The following PPFIA2 variants were observed in gnomAD, a reference collection of about 807,000 sequenced individuals.
PPFIA2 encodes the protein PPFI scaffold protein A2, also known as liprin-alpha-2.
A neutral mutation model predicts 175.5 loss-of-function variants in PPFIA2; 46 were observed. That is an observed-to-expected ratio of 0.26 (90% CI 0.21 to 0.34). The LOEUF (loss-of-function observed/expected upper bound fraction) is 0.34, where lower values mean the gene tolerates loss of function less well. PPFIA2 is among the 10% of genes least tolerant of loss of function. The pLI is 1.00. For synonymous variants in PPFIA2, 568 were observed against 511.4 expected, an observed-to-expected ratio of 1.11 and a Z score of -1.49; for missense variants, 1,179 against 1,506.1, an observed-to-expected ratio of 0.78 and a Z score of 3.60.
At chr12:81,433,887 C>T (rs1354108241) in intron 7 of PPFIA2, among the ~76,000 whole-genome samples, 1 of 152,090 alleles carries the variant, frequency 6.6e-6, no homozygotes, top group African/African-American at 2.4e-5. Flanking sequence ...GTAATACAGG[C>T]TGAAGTAATG....
At chr12:81,479,731 T>C (rs921479606) in intron 4 of PPFIA2, among the ~76,000 whole-genome samples, 2 of 152,226 alleles carry the variant, frequency 1.3e-5, no homozygotes, top group African/African-American at 4.8e-5. Flanking sequence ...TTCTTTTCTT[T>C]AAGAATGTTG....
chr12:81,384,058 C>T lies in PPFIA2; in HGVS notation c.949G>A (p.Glu317Lys). ...TARKDLIKTE[E>K]MNTKYQRDIR... ...TCCCTTTGATACTTGGTGTTCATTT[C>T]TTCTGTTTTAATGAGATCCTTTCTT... The change falls in exon 9 of 33, where the codon GAA (glutamate) becomes AAA (lysine). Residue 317 changes from glutamate to lysine, a missense_variant. By Grantham distance (56) the Glu-to-Lys change is moderately conservative. Around this residue, in one of 10 missense-constraint regions of PPFIA2, gnomAD observed 226 missense variants for 216.6 expected, o/e 1.04. Transcript: ENST00000549396. 6.2e-7 allele frequency: 1 copy of T among 1,612,820 alleles called. No individual in the cohort carries two copies. The highest frequency in any genetic ancestry group is 8.5e-7 in the Non-Finnish European group (1 of 1,179,244).
chr12:81,298,012 C>T (rs2046913895), intron 23 of PPFIA2: 1 of 152,168 alleles, frequency 6.6e-6, no homozygotes, highest in South Asian at 2.1e-4. Flanking sequence ...TCTGTCATCT[C>T]CTATCACCTT....
At chr12:81,380,475 A>G (rs1232096428) in intron 9 of PPFIA2, among the ~76,000 whole-genome samples, 1 of 152,166 alleles carries the variant, frequency 6.6e-6, no homozygotes, top group African/African-American at 2.4e-5. Flanking sequence ...AGGAAAATAA[A>G]AGCTTTAAGT....
chr12:81,524,173 G>C (rs901803250), intron 4 of PPFIA2, among the ~76,000 whole-genome samples: 2 of 152,190 alleles, frequency 1.3e-5, no homozygotes, highest in Non-Finnish European at 2.9e-5. Flanking sequence ...AGTCCCCACT[G>C]AGTCAATGCC....
intron 4 of PPFIA2, among the ~76,000 whole-genome samples, chr12:81,521,693 G>C (rs1160785563): frequency 6.6e-6 from 1 of 150,770 alleles, no homozygotes; most frequent in Non-Finnish European, 1.5e-5. Context: ...GGTGGCGGGC[G>C]CCTGTAGTCC....
chr12:81,576,992 A>G (rs1595161206), intron 4 of PPFIA2, among the ~76,000 whole-genome samples: 1 of 151,844 alleles, frequency 6.6e-6, no homozygotes, highest in East Asian at 1.9e-4. Context: ...TAATATTTCA[A>G]GTATAAATTA....
At chr12:81,442,389 G>A (rs2050338119) in intron 6 of PPFIA2, among the ~76,000 whole-genome samples, 1 of 151,964 alleles carries the variant, frequency 6.6e-6, no homozygotes, top group Non-Finnish European at 1.5e-5. Context: ...AAATATTCTT[G>A]TGGAAATCTC....
intron 22 of PPFIA2, among the ~76,000 whole-genome samples, chr12:81,311,499 C>CGAGGCGGGTGGATCAT (rs2050786648): frequency 6.6e-6 from 1 of 151,792 alleles, no homozygotes; most frequent in Non-Finnish European, 1.5e-5. Flanking sequence ...TTTGGGAGGC[C>CGAGGCGGGTGGATCAT]GAGGCGGGTG....
rs1467136387 is a variant in PPFIA2 at position 81,357,744 on chromosome 12, C to T, written c.1773+338G>A. Among the ~76,000 whole-genome samples the T allele has an allele frequency of 5.9e-5, 9 of 152,216 alleles. No individual in the cohort carries two copies. The South Asian group carries it at 1.9e-3, about 32-fold the overall frequency. ...ACTACTAATAGTACTGGAAACTACA[C>T]AAACATAGGCCCAAGTTTTGACTCC... On this transcript the variant is annotated intron_variant, in intron 16 of 32. Coordinates refer to ENST00000549396, the MANE Select transcript of PPFIA2 (RefSeq NM_003625.5).
chr12:81,539,377 G>T (rs2065878460), intron 4 of PPFIA2, among the ~76,000 whole-genome samples: 1 of 151,906 alleles, frequency 6.6e-6, no homozygotes, highest in South Asian at 2.1e-4. Flanking sequence ...AAATAACCAA[G>T]GTCTGCATTT....
At chr12:81,480,107 TTTTC>T (rs1357382453) in intron 4 of PPFIA2, among the ~76,000 whole-genome samples, 1 of 152,184 alleles carries the variant, frequency 6.6e-6, no homozygotes, top group Admixed American at 6.6e-5. Context: ...TGTTTGTTGC[TTTTC>T]TTTCTTTTTT....
intron 28 of PPFIA2, among the ~76,000 whole-genome samples, chr12:81,272,045 C>A (rs559904259): frequency 6.6e-6 from 1 of 152,046 alleles, no homozygotes; most frequent in African/African-American, 2.4e-5. Context: ...GTAATAATTC[C>A]ATTTTCCTCT....
In PPFIA2 at chr12:81,358,141, T is replaced by C; in HGVS notation, c.1714A>G (p.Thr572Ala). The stretch of plus-strand genomic sequence containing the variant: ...CTCCTTGGTCTTCTTATTACTTTAG[T>C]TGTTCTGTAATCAGACTGGCTGTCC... ...LVDSQSDYRT[T>A]KVIRRPRRGR... Residue 572 changes from threonine to alanine, a missense_variant, in exon 16 of 33, where the codon ACT (threonine) becomes GCT (alanine). Thr to Ala is a moderately conservative substitution (Grantham distance 58). Coordinates refer to ENST00000549396, the MANE Select transcript of PPFIA2 (RefSeq NM_003625.5). 2.1e-5 allele frequency: 33 copies of C among 1,601,440 alleles called. No individual in the cohort carries two copies. The highest frequency in any genetic ancestry group is 2.7e-5 in the Non-Finnish European group (32 of 1,173,434).
intron 7 of PPFIA2, chr12:81,431,085 C>T (rs750923789): frequency 6.6e-6 from 1 of 152,160 alleles, no homozygotes; most frequent in Non-Finnish European, 1.5e-5. Context: ...ATAGTTCAGC[C>T]TGCAACTACA....
intron 4 of PPFIA2, among the ~76,000 whole-genome samples, chr12:81,572,580 G>A (rs1020082728): frequency 6.6e-6 from 1 of 151,910 alleles, no homozygotes; most frequent in East Asian, 1.9e-4. Flanking sequence ...AATAAATGTA[G>A]TTACTTTATC....
intron 5 of PPFIA2, 33 bp downstream of exon 5, chr12:81,457,732 G>T: frequency 2.2e-6 from 3 of 1,365,062 alleles, no homozygotes; most frequent in South Asian, 1.3e-5. Context: ...ACTACAAATA[G>T]AATTAATTCC....
intron 22 of PPFIA2, among the ~76,000 whole-genome samples, chr12:81,307,805 T>C (rs1309038012): frequency 6.6e-6 from 1 of 152,188 alleles, no homozygotes; most frequent in Non-Finnish European, 1.5e-5. Flanking sequence ...CCCTGGCTTT[T>C]TCTGCTCAAC....
intron 22 of PPFIA2, among the ~76,000 whole-genome samples, chr12:81,320,413 G>T (rs1033370727): frequency 6.6e-6 from 1 of 151,710 alleles, no homozygotes; most frequent in Non-Finnish European, 1.5e-5. Context: ...GCTGAGTCGG[G>T]GTGTTAATTT....
Sources: gnomAD v4.1 joint callset for allele counts (sites outside exome capture counted in the v4.1 genomes callset) on GRCh38, gnomAD v4.1.1 for gene constraint, gnomAD v4.1.1 regional missense constraint, MANE v1.5 for transcripts, NCBI Gene and HGNC (gene_info 2026-07-23, HGNC 2026-07-21) for gene names.